Variants in FAM107A observed in about 807,000 individuals in gnomAD.
FAM107A encodes the protein family with sequence similarity 107 member A.
FAM107A carries 19 observed loss-of-function variants against 13.7 expected under a neutral mutation model. The ratio of observed to expected loss-of-function variants is 1.38; its 90% confidence interval spans 0.97 to 2.03. The LOEUF is 2.03. FAM107A is among the 30% of genes most tolerant of loss of function. The pLI is 0.00. For synonymous variants in FAM107A, 82 were observed against 74.5 expected (o/e 1.10, Z -0.52); for missense variants, 203 against 184.4 (o/e 1.10, Z -0.58).
chr3:58,614,795 G>A (rs1257590021), intron 1 of FAM107A, among the ~76,000 whole-genome samples: 6 of 144,700 alleles, frequency 4.1e-5, no homozygotes, highest in East Asian at 4.2e-4. Context: ...GTGAGCCACC[G>A]CACCAGGACG....
chr3:58,572,601 C>T (rs1208140561), intron 1 of FAM107A: 1 of 152,186 alleles, frequency 6.6e-6, no homozygotes, highest in Non-Finnish European at 1.5e-5. Context: ...CGGGTGGGTT[C>T]AAGTCGGGGA....
upstream of FAM107A, among the ~76,000 whole-genome samples, chr3:58,581,552 A>G (rs1052107963): frequency 2.0e-5 from 3 of 152,114 alleles, no homozygotes; most frequent in East Asian, 1.9e-4. Context: ...CAAGGCCTCA[A>G]TGGGGTTTCT....
upstream of FAM107A, among the ~76,000 whole-genome samples, chr3:58,588,680 C>T (rs139745009): frequency 6.3e-3 from 965 of 152,338 alleles, 14 homozygotes; most frequent in African/African-American, 0.022. Flanking sequence ...TTAATCCACT[C>T]AATAGCTCTT....
At chr3:58,578,167 G>T (rs1270558295), upstream of FAM107A, among the ~76,000 whole-genome samples, 1 of 152,226 alleles carries the variant, frequency 6.6e-6, no homozygotes, top group Non-Finnish European at 1.5e-5. Context: ...CTCCAAGAGA[G>T]ACCTGGACTC....
chr3:58,575,202 G>C (rs1163831102), intron 1 of FAM107A, among the ~76,000 whole-genome samples: 2 of 152,208 alleles, frequency 1.3e-5, no homozygotes, highest in Non-Finnish European at 2.9e-5. Flanking sequence ...AGACAGAGTG[G>C]GTTTGATTCA....
intron 1 of FAM107A, among the ~76,000 whole-genome samples, chr3:58,605,834 G>C (rs2065789791): frequency 6.6e-6 from 1 of 152,146 alleles, no homozygotes; most frequent in Non-Finnish European, 1.5e-5. Context: ...TGCCAAAAAG[G>C]CACAGTAGTA....
At position 58,604,055 on chromosome 3, in the gene FAM107A, C is replaced by T. The variant is rs528057802; in HGVS notation, c.-69-14786G>A. On this transcript the variant is annotated intron_variant, in intron 1 of 3. Transcript: ENST00000465970. The surrounding 1 kb of genome is among the most constrained non-coding windows in gnomAD (Gnocchi z 4.1). ...GCCCCTGCCCCACCAGATGCCCCTCCGCCTGCTCTCTGAGCTTCACACTAG... is the reference window on the plus strand; with the variant it reads ...GCCCCTGCCCCACCAGATGCCCCTCTGCCTGCTCTCTGAGCTTCACACTAG... Among the ~76,000 whole-genome samples the T allele has an allele frequency of 9.2e-5, 14 of 152,264 alleles. No homozygotes were observed. In the South Asian group the frequency reaches 1.9e-3, roughly 20 times the overall value.
intron 1 of FAM107A, among the ~76,000 whole-genome samples, chr3:58,602,924 A>G (rs1255399624): frequency 1.3e-5 from 2 of 152,236 alleles, no homozygotes; most frequent in African/African-American, 2.4e-5. Flanking sequence ...GTGTCCATAC[A>G]TAGGTATGTT....
At chr3:58,587,025 C>A (rs1403240889) in exon 1 of FAM107A, 1 of 1,371,634 alleles carries the variant, frequency 7.3e-7, no homozygotes, top group Non-Finnish European at 9.4e-7. Context: ...GCCTCCGCGA[C>A]GGTGACGCGG....
At chr3:58,624,932 A>G (rs540502166) in intron 1 of FAM107A, among the ~76,000 whole-genome samples, 9 of 152,146 alleles carry the variant, frequency 5.9e-5, no homozygotes, top group South Asian at 2.1e-4. Flanking sequence ...CCAGCTCCAC[A>G]TAGGCCCTGG....
At chr3:58,614,253 G>GT (rs372404620) in intron 1 of FAM107A, among the ~76,000 whole-genome samples, 135 of 152,216 alleles carry the variant, frequency 8.9e-4, no homozygotes, top group African/African-American at 3.1e-3. Flanking sequence ...GGGTTTTTTT[G>GT]TTTTTTGTTT....
chr3:58,575,375 G>A (rs377400216), intron 1 of FAM107A, among the ~76,000 whole-genome samples: 2 of 152,156 alleles, frequency 1.3e-5, no homozygotes, highest in African/African-American at 2.4e-5. Context: ...GATGCTCACC[G>A]AAGACAAACT....
At position 58,617,301 on chromosome 3, in the gene FAM107A, G is replaced by A. The variant is rs1237101018; in HGVS notation, c.-70+10115C>T. ...CTCAGGTGGGTGGAGAAAAATCCCC[G>A]GATGGTCCCTCAAAAGGACAGACAC... is the stretch of plus-strand genomic sequence containing the variant. On this transcript the variant is annotated intron_variant, in intron 1 of 3. Coordinates refer to the FAM107A transcript ENST00000465970. This position sits in a 1 kb window ranked among gnomAD's most constrained non-coding sequence, Gnocchi z 4.5. Among the ~76,000 whole-genome samples the A allele has an allele frequency of 1.3e-5, 2 of 152,132 alleles. No homozygotes were observed. The highest frequency in any genetic ancestry group is 2.1e-4 in the South Asian group (1 of 4,806).
At chr3:58,570,583 CAGAGAGAG>C (rs371909507) in intron 1 of FAM107A, among the ~76,000 whole-genome samples, 998 of 91,044 alleles carry the variant, frequency 0.011, 10 homozygotes, top group East Asian at 0.021. Context: ...GCAAATACAG[CAGAGAGAG>C]AGAGAGAGAG....
At chr3:58,573,042 C>G (rs6798348) in intron 1 of FAM107A, among the ~76,000 whole-genome samples, 1 of 147,746 alleles carries the variant, frequency 6.8e-6, no homozygotes, top group African/African-American at 2.5e-5. Context: ...TGCTCCAGGC[C>G]TTAAAAAAAA....
Position 58,568,199 on chromosome 3 carries a change from C to T in FAM107A, c.171-835G>A, listed in dbSNP as rs76992102. Among the ~76,000 whole-genome samples, 2,737 of 152,066 alleles carry T rather than the reference C, an allele frequency of 0.018. 162 individuals carry two copies. The East Asian group carries it at 0.23, about 13-fold the overall frequency. ...CCTGTAATCCCAGCACTTTGGGAGG[C>T]CGAGGAGGGCGGATCACGAGGTCAG... On this transcript the variant is annotated intron_variant, in intron 2 of 3. Coordinates refer to ENST00000360997, the MANE Select transcript of FAM107A (RefSeq NM_001076778.3).
At chr3:58,618,485 G>A (rs1445328349) in intron 1 of FAM107A, among the ~76,000 whole-genome samples, 5 of 152,236 alleles carry the variant, frequency 3.3e-5, no homozygotes, top group Non-Finnish European at 7.3e-5. Context: ...GGAGCCCAGA[G>A]TGGGAGCCCA....
chr3:58,626,244 C>T (rs1457163373), intron 1 of FAM107A, among the ~76,000 whole-genome samples: 1 of 152,144 alleles, frequency 6.6e-6, no homozygotes, highest in Non-Finnish European at 1.5e-5. Context: ...TCTGATGGGC[C>T]ATGAGAAAGT....
chr3:58,585,827 A>T (rs923984652), intron 1 of FAM107A, among the ~76,000 whole-genome samples: 1 of 152,172 alleles, frequency 6.6e-6, no homozygotes, highest in African/African-American at 2.4e-5. Context: ...TTTCCCCCCT[A>T]CATCCCTGTA....
Sources: allele counts gnomAD v4.1 joint callset (sites outside exome capture counted in the v4.1 genomes callset), GRCh38; gene constraint gnomAD v4.1.1; non-coding constraint Gnocchi (gnomAD v3.1); transcripts MANE v1.5; gene names NCBI Gene and HGNC (gene_info 2026-07-23, HGNC 2026-07-21).